GRM5: variants seen among roughly 807,000 people sequenced by gnomAD.
GRM5 encodes glutamate metabotropic receptor 5, also known as metabotropic glutamate receptor 5.
A neutral mutation model predicts 83.1 loss-of-function variants in GRM5; 19 were observed. The observed-to-expected ratio is 0.23, with a 90% CI of 0.16 to 0.34. The LOEUF (loss-of-function observed/expected upper bound fraction) is 0.34. Among genes scored for constraint, GRM5 ranks in the 10% least tolerant of loss-of-function variants. The probability of loss-of-function intolerance (pLI) is 1.00; values close to 1 mark genes in which losing one functional copy is unlikely to be tolerated. For missense variants in GRM5, 1,160 were observed against 1,588.3 expected (o/e 0.73, Z 4.58); for synonymous variants, 675 against 633.6 (o/e 1.07, Z -0.98).
chr11:89,003,373 G>A (rs988974403), intron 2 of GRM5, among the ~76,000 whole-genome samples: 9 of 152,068 alleles, frequency 5.9e-5, no homozygotes, highest in African/African-American at 2.2e-4. Context: ...TTATCCTTAG[G>A]AATCTAATTA....
chr11:88,986,830 G>C (rs1384021471), intron 2 of GRM5, among the ~76,000 whole-genome samples: 2 of 139,708 alleles, frequency 1.4e-5, no homozygotes, highest in African/African-American at 5.2e-5. Context: ...TCCTATAGAA[G>C]TTTTATGTTT....
chr11:88,746,018 CT>C (rs1028978647), intron 3 of GRM5, among the ~76,000 whole-genome samples: 3 of 152,064 alleles, frequency 2.0e-5, no homozygotes, highest in Admixed American at 6.6e-5. Flanking sequence ...AGAAATAATT[CT>C]TTGTTGAGTG....
intron 2 of GRM5, among the ~76,000 whole-genome samples, chr11:89,002,647 G>C (rs997011031): frequency 6.6e-6 from 1 of 152,168 alleles, no homozygotes. Flanking sequence ...GTAGAGATGA[G>C]TGTTTAATAA....
At position 88,712,643 on chromosome 11, in the gene GRM5, G is replaced by A. The variant is rs74677785; in HGVS notation, c.912-59240C>T. Among the ~76,000 whole-genome samples the A allele has an allele frequency of 8.6e-3, 1,307 of 152,020 alleles. 10 individuals are homozygous for A. Among genetic ancestry groups the A allele is most frequent in the African/African-American group, 0.024 (980 of 41,496 alleles). ...AATGGTCTTATAATGAATACTGTTC[G>A]TAGTTTGATGCCCATAAAACCACAC... On this transcript the variant is annotated intron_variant, in intron 3 of 9. Transcript: ENST00000305447.
At chr11:88,783,320 G>A (rs1469942520) in intron 3 of GRM5, among the ~76,000 whole-genome samples, 1 of 151,996 alleles carries the variant, frequency 6.6e-6, no homozygotes, top group African/African-American at 2.4e-5. Flanking sequence ...ACTAAATTTT[G>A]GGTATCTTCC....
At chr11:88,628,712 G>T (rs1938875956) in intron 4 of GRM5, among the ~76,000 whole-genome samples, 1 of 152,000 alleles carries the variant, frequency 6.6e-6, no homozygotes, top group South Asian at 2.1e-4. Context: ...ATCAAGTCAG[G>T]GTAATTAACA....
intron 3 of GRM5, among the ~76,000 whole-genome samples, chr11:88,837,212 A>G (rs16915028): frequency 0.025 from 3,881 of 152,244 alleles, 176 homozygotes; most frequent in African/African-American, 0.089. Context: ...CTTATACTGT[A>G]AGGACAAAAT....
At chr11:88,629,141 G>C (rs1938887463) in intron 4 of GRM5, among the ~76,000 whole-genome samples, 1 of 152,164 alleles carries the variant, frequency 6.6e-6, no homozygotes, top group East Asian at 1.9e-4. Flanking sequence ...TTGATATCTG[G>C]ATCTGATGGT....
chr11:88,517,044 A>G (rs1941539662), intron 9 of GRM5, among the ~76,000 whole-genome samples: 2 of 151,860 alleles, frequency 1.3e-5, no homozygotes, highest in Admixed American at 1.3e-4. Context: ...TTAATTGTGT[A>G]CCCAATTAAT....
intron 3 of GRM5, among the ~76,000 whole-genome samples, chr11:88,819,586 A>G (rs141773991): frequency 7.0e-4 from 107 of 152,332 alleles, no homozygotes; most frequent in Middle Eastern, 3.4e-3. Context: ...ATGATTTGTC[A>G]TTAATTCTTG....
chr11:88,720,254 A>G (rs12806683), intron 3 of GRM5, among the ~76,000 whole-genome samples: 18,667 of 152,094 alleles, frequency 0.12, 1,507 homozygotes, highest in Middle Eastern at 0.19. Flanking sequence ...TTGTTTTGAC[A>G]ATAAATGAGT....
chr11:88,708,872 C>T (rs540827111), intron 3 of GRM5, among the ~76,000 whole-genome samples: 1 of 152,094 alleles, frequency 6.6e-6, no homozygotes, highest in South Asian at 2.1e-4. Context: ...TCCTAGGAGC[C>T]TAATACGAAC....
chr11:88,630,437 T>C (rs1459757412), intron 4 of GRM5, among the ~76,000 whole-genome samples: 2 of 152,084 alleles, frequency 1.3e-5, no homozygotes, highest in Admixed American at 6.6e-5. Context: ...TAGCAGAATG[T>C]AGAGACCCTG....
intron 5 of GRM5, among the ~76,000 whole-genome samples, chr11:88,604,147 T>G (rs948685614): frequency 2.6e-5 from 4 of 152,114 alleles, no homozygotes; most frequent in African/African-American, 9.7e-5. Context: ...ACTTATGAGT[T>G]TATGTTCCTC....
At chr11:88,663,893 G>C (rs930024275) in intron 3 of GRM5, among the ~76,000 whole-genome samples, 4 of 152,054 alleles carry the variant, frequency 2.6e-5, no homozygotes, top group Non-Finnish European at 4.4e-5. Context: ...GCTTCAAGAG[G>C]ATATCAATGA....
intron 3 of GRM5, among the ~76,000 whole-genome samples, chr11:88,802,467 G>A (rs545176888): frequency 6.4e-4 from 82 of 128,540 alleles, no homozygotes; most frequent in Non-Finnish European, 9.5e-4. Flanking sequence ...CAGAAAAGGC[G>A]TTTGACAAAA....
At position 88,630,191 on chromosome 11, in the gene GRM5, T is replaced by C. The variant is rs189613420; in HGVS notation, c.1147+22977A>G. On this transcript the variant is annotated intron_variant, in intron 4 of 9. Transcript: ENST00000305447. ...TCCTATCTCCCTGATTTATTTTTCTTCCAGTAATTATCACCATCTAATATA... is the reference window on the plus strand; with the variant it reads ...TCCTATCTCCCTGATTTATTTTTCTCCCAGTAATTATCACCATCTAATATA... 2.0e-5 allele frequency among the ~76,000 whole-genome samples: 3 copies of C among 152,286 alleles called. No individual in the cohort carries two copies. In the East Asian group the frequency reaches 5.8e-4, roughly 29 times the overall value.
intron 7 of GRM5, among the ~76,000 whole-genome samples, chr11:88,589,726 C>A (rs1937607631): frequency 6.6e-6 from 1 of 152,180 alleles, no homozygotes; most frequent in African/African-American, 2.4e-5. Context: ...ATACTCAGTT[C>A]ATGGGTGCCC....
chr11:88,949,703 T>G (rs1938394249), intron 2 of GRM5, among the ~76,000 whole-genome samples: 1 of 152,138 alleles, frequency 6.6e-6, no homozygotes, highest in South Asian at 2.1e-4. Flanking sequence ...ATTTTGAACA[T>G]TATTATGAAT....
Sources: allele counts gnomAD v4.1 joint callset (sites outside exome capture counted in the v4.1 genomes callset), GRCh38; gene constraint gnomAD v4.1.1; transcripts MANE v1.5; gene names NCBI Gene and HGNC (gene_info 2026-07-23, HGNC 2026-07-21).